INVS: variants seen among roughly 807,000 people sequenced by gnomAD.
INVS encodes the protein inversin, also known as inversion of embryo turning homolog.
In INVS, 86 loss-of-function variants were observed where a neutral mutation model predicts 108.8. The observed-to-expected ratio is 0.79, with a 90% CI of 0.66 to 0.95. INVS has a LOEUF of 0.95. Among genes scored for constraint, INVS ranks in the 40% least tolerant of loss-of-function variants. INVS has a pLI of 0.00. For synonymous variants in INVS, 455 were observed against 473.5 expected, an observed-to-expected ratio of 0.96 and a Z score of 0.51; for missense variants, 1,169 against 1,297.4, an observed-to-expected ratio of 0.90 and a Z score of 1.52.
intron 3 of INVS, among the ~76,000 whole-genome samples, chr9:100,170,672 A>G (rs529554650): frequency 6.6e-6 from 1 of 152,322 alleles, no homozygotes; most frequent in Non-Finnish European, 1.5e-5. Flanking sequence ...TGGGGTTTTG[A>G]TCAGAACATA....
chr9:100,132,744 C>T (rs1043016134), intron 3 of INVS, among the ~76,000 whole-genome samples: 3 of 151,548 alleles, frequency 2.0e-5, no homozygotes, highest in African/African-American at 7.3e-5. Flanking sequence ...AATTACTGTA[C>T]TCACATTCTC....
intron 1 of INVS, among the ~76,000 whole-genome samples, chr9:100,103,145 A>T (rs1401802605): frequency 6.6e-6 from 1 of 151,418 alleles, no homozygotes; most frequent in Non-Finnish European, 1.5e-5. Context: ...GAGCCATCAC[A>T]CCCGGCCTTA....
rs1266242965 is a variant in INVS, at chr9:100,284,317, C to T, written c.1785-3C>T. Reference sequence around the variant, plus strand: ...TCATCTTCTTCTTTGGCTTTGCTTCCAGAAAGCGAGAGGAAGAAAACAAAC... The same window carrying T: ...TCATCTTCTTCTTTGGCTTTGCTTCTAGAAAGCGAGAGGAAGAAAACAAAC... On this transcript the variant is annotated splice_region_variant and splice_polypyrimidine_tract_variant and intron_variant, in intron 12 of 16. Transcript: ENST00000262457. The T allele has an allele frequency of 1.1e-5, 18 of 1,613,188 alleles. No homozygotes were observed. Among genetic ancestry groups the T allele is most frequent in the Non-Finnish European group, 1.4e-5 (17 of 1,180,032 alleles).
chr9:100,249,886 C>T (rs890316863), intron 8 of INVS, among the ~76,000 whole-genome samples: 2 of 151,900 alleles, frequency 1.3e-5, no homozygotes, highest in Admixed American at 6.6e-5. Flanking sequence ...AGGTGGATCA[C>T]CTGAGGTCAG....
intron 4 of INVS, among the ~76,000 whole-genome samples, chr9:100,228,713 T>C (rs911404983): frequency 2.0e-5 from 3 of 152,208 alleles, no homozygotes; most frequent in African/African-American, 7.2e-5. Flanking sequence ...GTTCAGCCAC[T>C]TACTTCCTTT....
At chr9:100,122,080 A>G (rs1401531683) in intron 2 of INVS, among the ~76,000 whole-genome samples, 1 of 152,184 alleles carries the variant, frequency 6.6e-6, no homozygotes, top group African/African-American at 2.4e-5. Context: ...GTATTCATTC[A>G]TGACCCAGTA....
At chr9:100,250,425 T>C (rs1211230787) in intron 8 of INVS, among the ~76,000 whole-genome samples, 1 of 152,200 alleles carries the variant, frequency 6.6e-6, no homozygotes, top group Non-Finnish European at 1.5e-5. Context: ...TCTTTCATGT[T>C]ATAGCACTTC....
At chr9:100,283,060 A>G (rs928864705) in intron 12 of INVS, among the ~76,000 whole-genome samples, 7 of 152,110 alleles carry the variant, frequency 4.6e-5, no homozygotes, top group Non-Finnish European at 7.4e-5. Flanking sequence ...TATAATCCCA[A>G]CCCTTTGGGA....
chr9:100,275,735 T>C (rs900677403), intron 12 of INVS, among the ~76,000 whole-genome samples: 1 of 152,244 alleles, frequency 6.6e-6, no homozygotes, highest in Non-Finnish European at 1.5e-5. Context: ...TTAAGTAAAG[T>C]GATTTCTAAT....
At chr9:100,103,513 A>T (rs1453434042) in intron 1 of INVS, among the ~76,000 whole-genome samples, 4 of 151,996 alleles carry the variant, frequency 2.6e-5, no homozygotes, top group Non-Finnish European at 5.9e-5. Context: ...CTATAATCCC[A>T]GCTACTGAGG....
At chr9:100,120,947 C>T (rs1453441000) in intron 2 of INVS, 1 of 152,184 alleles carries the variant, frequency 6.6e-6, no homozygotes, top group East Asian at 1.9e-4. Context: ...TTAGTCCCAG[C>T]AGAATGTGTT....
At chr9:100,257,234 CT>C (rs1424893184) in intron 10 of INVS, among the ~76,000 whole-genome samples, 19 of 152,038 alleles carry the variant, frequency 1.2e-4, no homozygotes, top group African/African-American at 4.6e-4. Context: ...ATTGCAACCC[CT>C]GCCTTTTTTT....
intron 3 of INVS, among the ~76,000 whole-genome samples, chr9:100,199,919 C>T (rs1361997609): frequency 6.6e-6 from 1 of 152,108 alleles, no homozygotes; most frequent in Non-Finnish European, 1.5e-5. Context: ...TTCTGTGACA[C>T]CAATTACACA....
At chr9:100,153,398 A>G (rs1025577715) in intron 3 of INVS, among the ~76,000 whole-genome samples, 3 of 152,202 alleles carry the variant, frequency 2.0e-5, no homozygotes, top group Admixed American at 2.0e-4. Context: ...ATATCTAGAT[A>G]GTTCACAGAA....
chr9:100,167,440 T>C (rs2119029332), intron 3 of INVS, among the ~76,000 whole-genome samples: 1 of 152,242 alleles, frequency 6.6e-6, no homozygotes, highest in Admixed American at 6.5e-5. Flanking sequence ...TGTTCTTCCC[T>C]CTCCTAGGAA....
chr9:100,175,381 A>G (rs1056817049), intron 3 of INVS: 1 of 806,700 alleles, frequency 1.2e-6, no homozygotes, highest in African/African-American at 1.7e-5. Context: ...ACTTCTGCAG[A>G]GAAGAGCACC....
At chr9:100,268,451 G>T (rs1213567775) in intron 11 of INVS, among the ~76,000 whole-genome samples, 1 of 152,074 alleles carries the variant, frequency 6.6e-6, no homozygotes, top group East Asian at 1.9e-4. Context: ...TAGAGGCTAG[G>T]AATACCTTTC....
At chr9:100,205,491 CAGTT>C (rs146056389) in intron 3 of INVS, among the ~76,000 whole-genome samples, 2,477 of 152,052 alleles carry the variant, frequency 0.016, 69 homozygotes, top group African/African-American at 0.057. Context: ...TGTAAACAGT[CAGTT>C]AAATTGGTTA....
At chr9:100,296,890 G>A (rs779714038) in intron 14 of INVS, 27 bp from the exon 15 acceptor site, 1 of 1,571,214 alleles carries the variant, frequency 6.4e-7, no homozygotes, top group South Asian at 1.1e-5. Flanking sequence ...TGATCTTAAA[G>A]CCTCTCCTCT....
Sources: gnomAD v4.1 joint callset for allele counts (sites outside exome capture counted in the v4.1 genomes callset) on GRCh38, gnomAD v4.1.1 for gene constraint, MANE v1.5 for transcripts, NCBI Gene and HGNC (gene_info 2026-07-23, HGNC 2026-07-21) for gene names.